Variants in TAB2 observed in about 807,000 individuals in gnomAD.
The protein encoded by TAB2 is TGF-beta activated kinase 1 (MAP3K7) binding protein 2, also known as TGF-beta-activated kinase 1 and MAP3K7-binding protein 2.
Under a neutral mutation model 65.0 loss-of-function variants are expected in TAB2, and 3 were observed. The ratio of observed to expected loss-of-function variants is 0.05; its 90% confidence interval spans 0.02 to 0.12. The LOEUF is 0.12. TAB2 is among the 10% of genes least tolerant of loss of function. The pLI, the probability that TAB2 is intolerant of heterozygous loss-of-function variation, is 1.00. For missense variants in TAB2, 623 were observed against 840.3 expected (o/e 0.74, Z 3.20); for synonymous variants, 298 against 285.1 (o/e 1.05, Z -0.46).
At chr6:149,223,785 A>G (rs1284845154) in intron 1 of TAB2, among the ~76,000 whole-genome samples, 1 of 152,118 alleles carries the variant, frequency 6.6e-6, no homozygotes, top group Admixed American at 6.5e-5. Flanking sequence ...TCCATTTTTT[A>G]TATACCATCC....
intron 2 of TAB2, among the ~76,000 whole-genome samples, chr6:149,373,940 A>G (rs1781313778): frequency 6.6e-6 from 1 of 152,208 alleles, no homozygotes; most frequent in African/African-American, 2.4e-5. Context: ...TTCATGTCGT[A>G]TACCGAGGAG....
intron 3 of TAB2, among the ~76,000 whole-genome samples, chr6:149,386,958 G>T (rs1781826632): frequency 6.6e-6 from 1 of 152,060 alleles, no homozygotes; most frequent in Non-Finnish European, 1.5e-5. Context: ...TTTAAATTAG[G>T]TTATTCATCT....
chr6:149,229,184 A>G (rs1777347529), intron 1 of TAB2, among the ~76,000 whole-genome samples: 2 of 152,220 alleles, frequency 1.3e-5, no homozygotes, highest in South Asian at 2.1e-4. Flanking sequence ...AGGATAGGGC[A>G]GGGAGCAGGG....
chr6:149,282,014 C>T (rs2114686270), intron 1 of TAB2, among the ~76,000 whole-genome samples: 1 of 152,176 alleles, frequency 6.6e-6, no homozygotes, highest in East Asian at 1.9e-4. Flanking sequence ...ATAAAACCAG[C>T]TGGATCGCAG....
rs35852678 is a variant in TAB2 at position 149,377,508 on chromosome 6, T to A, written c.103-510T>A. 5.0e-3 allele frequency among the ~76,000 whole-genome samples: 761 copies of A among 152,300 alleles called. 5 individuals carry two copies. The highest frequency in any genetic ancestry group is 0.018 in the African/African-American group (740 of 41,566). ...GCGTGTGAAGGATTGAGATGACTGGTATGAATTTCAGAACTTTAAATGCTA... is the reference window on the plus strand; with the variant it reads ...GCGTGTGAAGGATTGAGATGACTGGAATGAATTTCAGAACTTTAAATGCTA... On this transcript the variant is annotated intron_variant, in intron 2 of 6. Coordinates refer to ENST00000637181, the MANE Select transcript of TAB2 (RefSeq NM_001292034.3).
intron 1 of TAB2, among the ~76,000 whole-genome samples, chr6:149,277,770 A>G (rs1778502740): frequency 6.6e-6 from 1 of 152,248 alleles, no homozygotes; most frequent in South Asian, 2.1e-4. Flanking sequence ...ATGTACTACC[A>G]TATAGTATCT....
intron 1 of TAB2, among the ~76,000 whole-genome samples, chr6:149,266,807 T>C (rs948503184): frequency 3.9e-5 from 6 of 152,052 alleles, no homozygotes; most frequent in Non-Finnish European, 5.9e-5. Flanking sequence ...TGTGACACAA[T>C]CTCACCTTGT....
At chr6:149,282,614 A>G (rs916045328) in intron 1 of TAB2, among the ~76,000 whole-genome samples, 5 of 152,236 alleles carry the variant, frequency 3.3e-5, no homozygotes, top group Admixed American at 6.5e-5. Context: ...CCATAAGGAA[A>G]TTAAATCAGA....
chr6:149,377,067 C>CT (rs1260838675), intron 2 of TAB2, among the ~76,000 whole-genome samples: 12 of 143,538 alleles, frequency 8.4e-5, no homozygotes, highest in Non-Finnish European at 1.5e-4. Flanking sequence ...ACAAATGTAA[C>CT]TTATTTTTTT....
chr6:149,218,637 G>A (rs2272901), upstream of TAB2: 98,726 of 395,378 alleles, frequency 0.25, 13,419 homozygotes, highest in East Asian at 0.41. Flanking sequence ...GAAGACTAAT[G>A]CTCAGTGAGG....
chr6:149,391,610 C>T (rs1210083940), intron 3 of TAB2, among the ~76,000 whole-genome samples: 1 of 152,104 alleles, frequency 6.6e-6, no homozygotes, highest in East Asian at 1.9e-4. Flanking sequence ...GGTGCTATCT[C>T]AGCTGACTGT....
intron 1 of TAB2, among the ~76,000 whole-genome samples, chr6:149,245,791 A>G (rs1268232153): frequency 6.6e-6 from 1 of 152,222 alleles, no homozygotes; most frequent in African/African-American, 2.4e-5. Flanking sequence ...AATCCATACC[A>G]TCACTTTTGT....
intron 1 of TAB2, among the ~76,000 whole-genome samples, chr6:149,302,524 G>A (rs1221669631): frequency 6.6e-6 from 1 of 152,260 alleles, no homozygotes; most frequent in East Asian, 1.9e-4. Flanking sequence ...ATCTGTCTCT[G>A]CATTCATGCC....
intron 6 of TAB2, among the ~76,000 whole-genome samples, chr6:149,399,855 G>GATACATAATATTAA (rs1242336574): frequency 3.3e-5 from 5 of 152,166 alleles, no homozygotes; most frequent in Admixed American, 2.0e-4. Flanking sequence ...TGTGTTAATG[G>GATACATAATATTAA]ATACATAATA....
intron 3 of TAB2, among the ~76,000 whole-genome samples, chr6:149,388,678 A>G (rs538344446): frequency 3.3e-4 from 51 of 152,246 alleles, no homozygotes; most frequent in African/African-American, 1.2e-3. Flanking sequence ...CTTAATTTGC[A>G]TATTTAAATA....
chr6:149,403,066 C>G (rs1583163818), intron 6 of TAB2, among the ~76,000 whole-genome samples: 1 of 151,470 alleles, frequency 6.6e-6, no homozygotes, highest in African/African-American at 2.4e-5. Context: ...GAAACCCTGT[C>G]TGTACTAAAA....
At chr6:149,335,044 C>T (rs182281354) in intron 1 of TAB2, among the ~76,000 whole-genome samples, 9 of 152,086 alleles carry the variant, frequency 5.9e-5, no homozygotes, top group Admixed American at 2.0e-4. Flanking sequence ...TTCCCTCACT[C>T]GCTCACTGAA....
chr6:149,270,305 T>C (rs1473419530), intron 1 of TAB2, among the ~76,000 whole-genome samples: 2 of 152,222 alleles, frequency 1.3e-5, no homozygotes, highest in African/African-American at 2.4e-5. Context: ...TTTCCTATTA[T>C]TGAGTTTTGA....
At chr6:149,400,688 C>T (rs1374363457) in intron 6 of TAB2, 8 of 1,612,342 alleles carry the variant, frequency 5.0e-6, no homozygotes, top group Non-Finnish European at 5.9e-6. Flanking sequence ...GAAAAGGGAA[C>T]CTGCTTCTTT....
Sources: allele counts gnomAD v4.1 joint callset (sites outside exome capture counted in the v4.1 genomes callset), GRCh38; gene constraint gnomAD v4.1.1; transcripts MANE v1.5; gene names NCBI Gene and HGNC (gene_info 2026-07-23, HGNC 2026-07-21).